SLC25A36: variants seen among roughly 807,000 people sequenced by gnomAD.
The protein encoded by SLC25A36 is solute carrier family 25 member 36, also known as epididymis secretory sperm binding protein.
A neutral mutation model predicts 35.3 loss-of-function variants in SLC25A36; 24 were observed. The ratio of observed to expected loss-of-function variants is 0.68; its 90% CI spans 0.49 to 0.96. SLC25A36 has a LOEUF of 0.96. SLC25A36 is among the 40% of genes least tolerant of loss of function. The pLI is 0.00. For missense variants in SLC25A36, 294 were observed against 381.1 expected, an observed-to-expected ratio of 0.77 and a Z score of 1.90; for synonymous variants, 141 against 132.2, an observed-to-expected ratio of 1.07 and a Z score of -0.46.
chr3:140,975,097 C>CGTTTTT (rs1935004292), intron 6 of SLC25A36, among the ~76,000 whole-genome samples: 1 of 55,188 alleles, frequency 1.8e-5, no homozygotes, highest in Non-Finnish European at 3.5e-5. Flanking sequence ...AAGATACATT[C>CGTTTTT]TTTTTTTTTT....
rs1033040833 is a variant in SLC25A36 at position 140,959,580 on chromosome 3, A to G, written c.284+40A>G. 3.8e-5 allele frequency: 39 copies of G among 1,034,686 alleles called. No individual in the cohort carries two copies. In the Admixed American group the frequency reaches 1.1e-3, roughly 29 times the overall value. 64.1% of individuals were successfully genotyped at this position (1,034,686 alleles called of 1,614,324 possible). A position where few individuals can be genotyped will look rare whatever the true frequency, so the allele number is the denominator to read the frequency against. On this transcript the variant is annotated intron_variant, in intron 3 of 6. Transcript: ENST00000324194. ...AAATTGTTTAAAGCAAGTTATGGCA[A>G]TCTCTTTTGTTTCAGCACACCTGGA...
At chr3:140,960,824 A>AATT (rs1422681880) in intron 3 of SLC25A36, among the ~76,000 whole-genome samples, 1 of 152,242 alleles carries the variant, frequency 6.6e-6, no homozygotes, top group African/African-American at 2.4e-5. Context: ...AGGAACTAAT[A>AATT]ACTAAAGGAA....
chr3:140,954,494 T>C (rs901168253), intron 1 of SLC25A36, among the ~76,000 whole-genome samples: 1 of 152,242 alleles, frequency 6.6e-6, no homozygotes, highest in Non-Finnish European at 1.5e-5. Context: ...GTACCATTTT[T>C]AATTCCCACC....
At position 140,980,902 on chromosome 3, in the gene SLC25A36, G is replaced by A. The variant is rs1308868291; in HGVS notation, c.*4449G>A. ...TGTATTGAATCAATTCAAGATTTAT[G>A]TTCATAGAGTGCTGTGTTTATACAG... On this transcript the variant is annotated 3_prime_UTR_variant, in exon 7 of 7. Coordinates refer to ENST00000324194, the MANE Select transcript of SLC25A36 (RefSeq NM_001104647.3). 2.6e-5 allele frequency among the ~76,000 whole-genome samples: 4 copies of A among 152,030 alleles called. No homozygotes were observed. Among genetic ancestry groups the A allele is most frequent in the Non-Finnish European group, 4.4e-5 (3 of 68,006 alleles).
At chr3:140,974,734 C>T (rs143042102) in intron 6 of SLC25A36, among the ~76,000 whole-genome samples, 26 of 152,054 alleles carry the variant, frequency 1.7e-4, no homozygotes, top group African/African-American at 2.2e-4. Context: ...TTAATGTAAG[C>T]GCTTCATTTT....
In SLC25A36 at chr3:140,970,951, A is replaced by G; in HGVS notation, c.410A>G (p.Asn137Ser). 1.3e-6 allele frequency: 2 copies of G among 1,530,242 alleles called. No individual in the cohort carries two copies. The highest frequency in any genetic ancestry group is 1.8e-6 in the Non-Finnish European group (2 of 1,104,876). 94.8% of individuals were successfully genotyped at this position (1,530,242 alleles called of 1,614,324 possible). A position where few individuals can be genotyped will look rare whatever the true frequency, so the allele number is the denominator to read the frequency against. ...GGTTTTACTGCAATCACAGCAACCAACCCCATTTGGCTTATAAAGACTCGG... is the reference window on the plus strand; with the variant it reads ...GGTTTTACTGCAATCACAGCAACCAGCCCCATTTGGCTTATAAAGACTCGG... ...MAGFTAITATNPIWLIKTRLQ... is the reference protein window; with the variant it reads ...MAGFTAITATSPIWLIKTRLQ... The change falls in exon 5 of 7, where the codon AAC becomes AGC. Residue 137 changes from asparagine to serine, a missense_variant. Physicochemically the swap from Asn to Ser is conservative, Grantham distance 46. Around this residue, in one of 2 missense-constraint regions of SLC25A36, gnomAD observed 185 missense variants for 201.5 expected, o/e 0.92. Transcript: ENST00000324194.
At position 140,942,049 on chromosome 3, in the gene SLC25A36, G is replaced by A; in HGVS notation, c.-6G>A. 1 of 1,482,614 alleles carries A rather than the reference G, an allele frequency of 6.7e-7. No individual in the cohort carries two copies. The highest frequency in any genetic ancestry group is 1.2e-5 in the South Asian group (1 of 81,396). 91.8% of individuals were successfully genotyped at this position (1,482,614 alleles called of 1,614,324 possible). On this transcript the variant is annotated 5_prime_UTR_variant, in exon 1 of 7. Coordinates refer to ENST00000324194, the MANE Select transcript of SLC25A36 (RefSeq NM_001104647.3). ...CTCAGCGGCCGGAGGACATGCGGGA[G>A]AGAGAATGAGCCAGAGGGACACGCT...
At position 140,970,986 on chromosome 3, in the gene SLC25A36, G is replaced by T; in HGVS notation, c.445G>T (p.Asp149Tyr). Reference sequence around the variant, plus strand: ...GCTTATAAAGACTCGGTTACAGCTTGATGCAAGGTATGTTAATTCCTTAAA... The same window carrying T: ...GCTTATAAAGACTCGGTTACAGCTTTATGCAAGGTATGTTAATTCCTTAAA... ...IWLIKTRLQL[D>Y]ARNRGERRMG... The change falls in exon 5 of 7, where the codon GAT becomes TAT. Residue 149 changes from aspartate (D) to tyrosine (Y), a missense_variant. Around this residue, in one of 2 missense-constraint regions of SLC25A36, gnomAD observed 185 missense variants for 201.5 expected, o/e 0.92. Transcript: ENST00000324194. 1 of 1,418,008 alleles carries T rather than the reference G, an allele frequency of 7.1e-7. No individual in the cohort carries two copies. Among genetic ancestry groups the T allele is most frequent in the South Asian group, 1.2e-5 (1 of 85,934 alleles). The allele number at this position is 1,418,008 out of a possible 1,614,324, so 87.8% of individuals were successfully genotyped here. A position where few individuals can be genotyped will look rare whatever the true frequency, so the allele number is the denominator to read the frequency against.
At chr3:140,961,233 G>A (rs1287482406) in intron 3 of SLC25A36, among the ~76,000 whole-genome samples, 1 of 151,934 alleles carries the variant, frequency 6.6e-6, no homozygotes, top group African/African-American at 2.4e-5. Flanking sequence ...TATTCTTCCA[G>A]TAATTTTTCT....
chr3:140,945,893 G>A (rs1370452976), intron 1 of SLC25A36, among the ~76,000 whole-genome samples: 2 of 152,110 alleles, frequency 1.3e-5, no homozygotes, highest in East Asian at 3.9e-4. Context: ...GCCGAAGTGT[G>A]GTTCTGCGTT....
rs1431278491 is a variant in SLC25A36, at chr3:140,980,636, G to A, written c.*4183G>A. On this transcript the variant is annotated 3_prime_UTR_variant, in exon 7 of 7. Transcript: ENST00000324194. The stretch of plus-strand genomic sequence containing the variant: ...GTTCATGATTTCTTAAGGTTCTAGT[G>A]TGACATTTATACACTGATAAAACTC... 2.0e-5 allele frequency among the ~76,000 whole-genome samples: 3 copies of A among 151,606 alleles called. No individual in the cohort carries two copies. Among genetic ancestry groups the A allele is most frequent in the Non-Finnish European group, 2.9e-5 (2 of 67,970 alleles).
chr3:140,956,859 C>T, intron 2 of SLC25A36, 168 bp downstream of exon 2: 1 of 1,096,622 alleles, frequency 9.1e-7, no homozygotes, highest in Admixed American at 4.0e-5. Flanking sequence ...TGGAGAAGAA[C>T]AGTTAGACAG....
Position 140,973,257 on chromosome 3 carries a change from C to T in SLC25A36, c.453-459C>T, listed in dbSNP as rs548606798. The stretch of plus-strand genomic sequence containing the variant: ...GTGCACAGAATTTTAGTTAATCATA[C>T]TGCCTGGTTTATGATATTCTATCAT... On this transcript the variant is annotated intron_variant, in intron 5 of 6. Coordinates refer to ENST00000324194, the MANE Select transcript of SLC25A36 (RefSeq NM_001104647.3). 4 of 152,354 alleles carry T rather than the reference C, an allele frequency of 2.6e-5. No individual in the cohort carries two copies. The East Asian group carries it at 7.7e-4, about 29-fold the overall frequency. 9.4% of individuals were successfully genotyped at this position (152,354 alleles called of 1,614,324 possible). A position where few individuals can be genotyped will look rare whatever the true frequency, so the allele number is the denominator to read the frequency against.
At chr3:140,962,399 G>T (rs188194950) in intron 3 of SLC25A36, among the ~76,000 whole-genome samples, 259 of 152,252 alleles carry the variant, frequency 1.7e-3, no homozygotes, top group African/African-American at 6.1e-3. Flanking sequence ...TGGTAGTGGG[G>T]ATGCATAAAA....
chr3:140,963,194 A>C lies in SLC25A36; in HGVS notation c.352A>C (p.Thr118Pro). 6.3e-7 allele frequency: 1 copy of C among 1,595,166 alleles called. No individual in the cohort carries two copies. The highest frequency in any genetic ancestry group is 8.5e-7 in the Non-Finnish European group (1 of 1,175,518). The change falls in exon 4 of 7, where the codon ACC becomes CCC. Residue 118 changes from threonine to proline, a missense_variant. Transcript: ENST00000324194. ...GAATGATGTATTTGATCCTGATTCT[A>C]CCCAAGTACATATGATTTCAGCTGC... The part of the protein sequence containing the change: ...KLNDVFDPDS[T>P]QVHMISAAMA...
chr3:140,949,382 A>G (rs1934255269), intron 1 of SLC25A36, among the ~76,000 whole-genome samples: 1 of 152,230 alleles, frequency 6.6e-6, no homozygotes, highest in South Asian at 2.1e-4. Context: ...TTACTGTACA[A>G]TTTGGCAAAC....
chr3:140,948,226 A>G (rs1197903012), intron 1 of SLC25A36, among the ~76,000 whole-genome samples: 3 of 152,258 alleles, frequency 2.0e-5, no homozygotes, highest in African/African-American at 7.2e-5. Context: ...AAGTGCTGGA[A>G]TTACAGGCCT....
chr3:140,979,708 G>GT lies in SLC25A36; in HGVS notation c.*3258dup, dbSNP rs1236749024. On this transcript the variant is annotated 3_prime_UTR_variant, in exon 7 of 7. Transcript: ENST00000324194. Reference sequence around the variant, plus strand: ...AATTCTGGTTTGACTCAGTTTTTGTGTTTATAAACTTTTGGAATGTGTACC... The same window carrying GT: ...AATTCTGGTTTGACTCAGTTTTTGTGTTTTATAAACTTTTGGAATGTGTACC... 1 of 152,014 alleles carries GT rather than the reference G, an allele frequency of 6.6e-6. No homozygotes were observed. Among genetic ancestry groups the GT allele is most frequent in the Admixed American group, 6.6e-5 (1 of 15,260 alleles). 9.4% of individuals were successfully genotyped at this position (152,014 alleles called of 1,614,324 possible).
intron 1 of SLC25A36, among the ~76,000 whole-genome samples, chr3:140,953,655 A>T (rs1934392852): frequency 1.3e-5 from 2 of 152,216 alleles, no homozygotes; most frequent in African/African-American, 4.8e-5. Flanking sequence ...TCATTTAAAC[A>T]CTACCATAGT....
Sources: gnomAD v4.1 joint callset for allele counts (sites outside exome capture counted in the v4.1 genomes callset) on GRCh38, gnomAD v4.1.1 for gene constraint, gnomAD v4.1.1 regional missense constraint, MANE v1.5 for transcripts, NCBI Gene and HGNC (gene_info 2026-07-23, HGNC 2026-07-21) for gene names.